VTI1A: variants seen among roughly 807,000 people sequenced by gnomAD.
The protein encoded by VTI1A is vesicle transport through interaction with t-SNAREs 1A.
VTI1A carries 22 observed loss-of-function variants against 34.9 expected under a neutral mutation model. The ratio of observed to expected loss-of-function variants is 0.63; its 90% confidence interval spans 0.45 to 0.90. The LOEUF (loss-of-function observed/expected upper bound fraction) is 0.90. Among genes scored for constraint, VTI1A ranks in the 40% least tolerant of loss-of-function variants. VTI1A has a pLI of 0.00. For synonymous variants in VTI1A, 87 were observed against 97.3 expected (o/e 0.89, Z 0.62); for missense variants, 268 against 275.6 (o/e 0.97, Z 0.20).
At chr10:112,500,512 A>T (rs980343986) in intron 3 of VTI1A, among the ~76,000 whole-genome samples, 8 of 152,358 alleles carry the variant, frequency 5.3e-5, no homozygotes, top group African/African-American at 1.9e-4. Context: ...TATCACATGC[A>T]TTCAAATTTC....
chr10:112,490,621 T>C (rs1443262142), intron 3 of VTI1A, among the ~76,000 whole-genome samples: 2 of 151,960 alleles, frequency 1.3e-5, no homozygotes, highest in African/African-American at 4.8e-5. Context: ...ATTTTTTTTT[T>C]TTTTTTTAAA....
chr10:112,826,820 A>T, the VTI1A span: 1 of 152,186 alleles, frequency 6.6e-6, no homozygotes, highest in Non-Finnish European at 1.5e-5. Context: ...ATGTTTGAGG[A>T]TGCAACTGCC....
intron 3 of VTI1A, among the ~76,000 whole-genome samples, chr10:112,478,599 T>C (rs1848359104): frequency 6.6e-6 from 1 of 152,208 alleles, no homozygotes; most frequent in African/African-American, 2.4e-5. Context: ...GAATATGACC[T>C]TCTGAATTGG....
At chr10:112,703,643 A>G (rs1424395216) in intron 7 of VTI1A, among the ~76,000 whole-genome samples, 1 of 152,206 alleles carries the variant, frequency 6.6e-6, no homozygotes, top group Non-Finnish European at 1.5e-5. Flanking sequence ...GTAAATGTAT[A>G]TTTTAAGTAG....
At chr10:112,730,756 T>C (rs945253288) in intron 7 of VTI1A, among the ~76,000 whole-genome samples, 2 of 151,854 alleles carry the variant, frequency 1.3e-5, no homozygotes, top group African/African-American at 4.8e-5. Flanking sequence ...AAAATACCAA[T>C]CCCAATTGCA....
At chr10:112,770,719 T>G (rs1851788994) in intron 7 of VTI1A, among the ~76,000 whole-genome samples, 2 of 151,988 alleles carry the variant, frequency 1.3e-5, no homozygotes, top group South Asian at 4.2e-4. Flanking sequence ...AATGTTTTCT[T>G]AAAAAGAAAA....
the VTI1A span, among the ~76,000 whole-genome samples, chr10:112,847,698 T>C: frequency 6.6e-6 from 1 of 152,210 alleles, no homozygotes; most frequent in Admixed American, 6.5e-5. Context: ...CAGGGAACAT[T>C]CTTTCCTAAT....
chr10:112,448,922 A>G (rs1452212799), intron 1 of VTI1A: 1 of 152,068 alleles, frequency 6.6e-6, no homozygotes, highest in Non-Finnish European at 1.5e-5. Flanking sequence ...CTTATACCCC[A>G]CTCATCTCCT....
chr10:112,578,661 T>C (rs1355430036), intron 5 of VTI1A, among the ~76,000 whole-genome samples: 1 of 152,222 alleles, frequency 6.6e-6, no homozygotes, highest in Non-Finnish European at 1.5e-5. Context: ...CATGATACTT[T>C]TACTTAATAT....
chr10:112,584,478 A>G (rs966559595), intron 5 of VTI1A, among the ~76,000 whole-genome samples: 12 of 152,208 alleles, frequency 7.9e-5, no homozygotes, highest in Admixed American at 3.9e-4. Flanking sequence ...TTGTGGGTTC[A>G]CTTCTGGAGA....
chr10:112,484,986 G>A (rs1164993557), intron 3 of VTI1A: 1 of 151,730 alleles, frequency 6.6e-6, no homozygotes, highest in African/African-American at 2.4e-5. Context: ...GATGCTTTAA[G>A]AATGAAGTTT....
In VTI1A at chr10:112,527,169, A is replaced by G. The variant is rs1850260950; in HGVS notation, c.342+5A>G. On this transcript the variant is annotated splice_donor_5th_base_variant and intron_variant, in intron 4 of 7. Coordinates refer to ENST00000393077, the MANE Select transcript of VTI1A (RefSeq NM_145206.4). Reference sequence around the variant, plus strand: ...GGGAATTCCTCAGAGAACCAGGTAGAATGCTAATCAGGAAGGCCCGGTGGG... The same window carrying G: ...GGGAATTCCTCAGAGAACCAGGTAGGATGCTAATCAGGAAGGCCCGGTGGG... 12 of 1,612,878 alleles carry G rather than the reference A, an allele frequency of 7.4e-6. No homozygotes were observed. The highest frequency in any genetic ancestry group is 2.2e-5 in the South Asian group (2 of 90,818).
chr10:112,475,742 A>G (rs545743978), intron 3 of VTI1A, among the ~76,000 whole-genome samples: 15 of 152,352 alleles, frequency 9.8e-5, no homozygotes, highest in African/African-American at 3.1e-4. Flanking sequence ...ATAAAACCAG[A>G]TAAGATTTTG....
intron 4 of VTI1A, among the ~76,000 whole-genome samples, chr10:112,531,057 CACACCT>C (rs1425589070): frequency 9.8e-4 from 111 of 112,762 alleles, no homozygotes; most frequent in African/African-American, 3.6e-3. Flanking sequence ...GGTCACGTGA[CACACCT>C]CACACACACA....
intron 5 of VTI1A, among the ~76,000 whole-genome samples, chr10:112,560,430 T>G (rs1851685232): frequency 6.6e-6 from 1 of 152,040 alleles, no homozygotes; most frequent in Non-Finnish European, 1.5e-5. Flanking sequence ...AAAGCAGGCT[T>G]CCCCTGAATC....
At chr10:112,779,021 T>A (rs1852035296) in intron 7 of VTI1A, among the ~76,000 whole-genome samples, 1 of 152,248 alleles carries the variant, frequency 6.6e-6, no homozygotes, top group Non-Finnish European at 1.5e-5. Context: ...TACTTTCAAA[T>A]TCTCAAAGAT....
chr10:112,484,635 A>G (rs1848557603), intron 3 of VTI1A, among the ~76,000 whole-genome samples: 1 of 152,126 alleles, frequency 6.6e-6, no homozygotes, highest in Non-Finnish European at 1.5e-5. Flanking sequence ...TACTTCAACC[A>G]GTTATGAGAT....
Position 112,786,319 on chromosome 10 carries a change from A to C in VTI1A, c.561-28971A>C, listed in dbSNP as rs188515710. On this transcript the variant is annotated intron_variant, in intron 7 of 7. Transcript: ENST00000393077. ...TGTGACCTTGCTAAATTTGTGTATT[A>C]GTCCTAGTAGTATTTTGTCGATCTC... Among the ~76,000 whole-genome samples the C allele has an allele frequency of 7.9e-5, 12 of 152,350 alleles. No individual in the cohort carries two copies. In the East Asian group the frequency reaches 1.3e-3, roughly 17 times the overall value.
downstream of VTI1A, chr10:112,823,495 A>G (rs1443767929): frequency 1.3e-5 from 2 of 152,196 alleles, no homozygotes; most frequent in Non-Finnish European, 1.5e-5. Flanking sequence ...GGAGCAGCAG[A>G]CATTTTCAAA....
Sources: allele counts gnomAD v4.1 joint callset (sites outside exome capture counted in the v4.1 genomes callset), GRCh38; gene constraint gnomAD v4.1.1; transcripts MANE v1.5; gene names NCBI Gene and HGNC (gene_info 2026-07-23, HGNC 2026-07-21).